The following SIDT1 variants were observed in gnomAD, a reference collection of about 807,000 sequenced individuals.
The protein encoded by SIDT1 is SID1 transmembrane family, member 1.
SIDT1 carries 101 observed loss-of-function variants against 107.5 expected under a neutral mutation model. The observed-to-expected ratio is 0.94, with a 90% CI of 0.80 to 1.11. The LOEUF (loss-of-function observed/expected upper bound fraction) is 1.11, where lower values mean the gene tolerates loss of function less well. Ranked by LOEUF, SIDT1 falls within the 50% of genes least tolerant of loss-of-function variation. The pLI is 0.00. For missense variants in SIDT1, 1,076 were observed against 1,058.2 expected, an observed-to-expected ratio of 1.02 and a Z score of -0.23; for synonymous variants, 395 against 398.2, an observed-to-expected ratio of 0.99 and a Z score of 0.10.
chr3:113,599,969 C>T (rs1352840468), intron 10 of SIDT1, among the ~76,000 whole-genome samples: 3 of 152,052 alleles, frequency 2.0e-5, no homozygotes, highest in African/African-American at 4.8e-5. Context: ...ACTATGTGCA[C>T]GTAATATCAA....
rs531208551 is a variant in SIDT1, at chr3:113,548,105, C to G, written c.222+14862C>G. Among the ~76,000 whole-genome samples, 22 of 152,148 alleles carry G rather than the reference C, an allele frequency of 1.4e-4. No individual in the cohort carries two copies. The South Asian group carries it at 4.4e-3, about 30-fold the overall frequency. ...CCCTCTCTCTGCCTAACCCAGGATTCTAAAGTATTTTGACTTAATTTGCTT... is the reference window on the plus strand; with the variant it reads ...CCCTCTCTCTGCCTAACCCAGGATTGTAAAGTATTTTGACTTAATTTGCTT... On this transcript the variant is annotated intron_variant, in intron 1 of 24. Coordinates refer to ENST00000264852, the MANE Select transcript of SIDT1 (RefSeq NM_017699.3).
intron 4 of SIDT1, among the ~76,000 whole-genome samples, chr3:113,577,386 T>C (rs1942986564): frequency 6.6e-6 from 1 of 152,196 alleles, no homozygotes; most frequent in Admixed American, 6.5e-5. Flanking sequence ...ACCAAACAGA[T>C]ACACAAATAA....
intron 9 of SIDT1, among the ~76,000 whole-genome samples, chr3:113,591,627 G>A (rs1456940317): frequency 6.6e-6 from 1 of 152,190 alleles, no homozygotes; most frequent in Non-Finnish European, 1.5e-5. Context: ...CCCGGGAGGC[G>A]GAGCTTGCAG....
rs11453487 is a variant in SIDT1, at chr3:113,609,058, C to CTTT, written c.1720+544_1720+546dup. ...TAGCTTATACAGTCATGAGCCCATT[C>CTTT]TTTTTTTTTTTTTTTTTTTTTTTTG... On this transcript the variant is annotated intron_variant, in intron 17 of 24. Transcript: ENST00000264852. Among the ~76,000 whole-genome samples, 178 of 86,644 alleles carry CTTT rather than the reference C, an allele frequency of 2.1e-3. 5 individuals carry two copies. The highest frequency in any genetic ancestry group is 3.8e-3 in the South Asian group (8 of 2,078). The allele number at this position is 86,644 out of a possible 152,430, so 56.8% of individuals were successfully genotyped here.
At chr3:113,608,577 A>G (rs1360522251) in intron 17 of SIDT1, 41 bp downstream of exon 17, 3 of 1,413,536 alleles carry the variant, frequency 2.1e-6, no homozygotes, top group Admixed American at 3.4e-5. Flanking sequence ...TTGAATCGTC[A>G]GTCTTATCCT....
At chr3:113,604,345 T>C (rs1247384413) in intron 13 of SIDT1, among the ~76,000 whole-genome samples, 2 of 152,188 alleles carry the variant, frequency 1.3e-5, no homozygotes, top group Non-Finnish European at 2.9e-5. Flanking sequence ...TGCATGCAGA[T>C]CTTAGAAGGA....
At chr3:113,543,005 G>T (rs1053379589) in intron 1 of SIDT1, among the ~76,000 whole-genome samples, 1 of 151,648 alleles carries the variant, frequency 6.6e-6, no homozygotes, top group African/African-American at 2.4e-5. Flanking sequence ...GCAGTGGCGC[G>T]ATCTTGGCTC....
intron 8 of SIDT1, 97 bp downstream of exon 8, chr3:113,584,866 A>C: frequency 2.2e-6 from 2 of 895,962 alleles, no homozygotes; most frequent in Non-Finnish European, 3.5e-6. Flanking sequence ...GAGAATTGTC[A>C]TAAGAAAACT....
chr3:113,550,248 T>G (rs1940064875), intron 1 of SIDT1, among the ~76,000 whole-genome samples: 1 of 152,246 alleles, frequency 6.6e-6, no homozygotes, highest in Admixed American at 6.5e-5. Context: ...GGTCAGCCCA[T>G]CAAGATTCTC....
intron 21 of SIDT1, 99 bp from the exon 22 acceptor site, chr3:113,623,328 G>T: frequency 1.4e-5 from 6 of 431,326 alleles, no homozygotes; most frequent in African/African-American, 2.7e-5. Context: ...AAAAAAAAAA[G>T]AACCTGCCCC....
At chr3:113,581,755 C>T (rs1241039588) in intron 6 of SIDT1, 1 of 280,724 alleles carries the variant, frequency 3.6e-6, no homozygotes, top group African/African-American at 2.2e-5. Context: ...CACCTGCAAT[C>T]CCAGCTACTC....
rs1943520113 is a variant in SIDT1 at position 113,583,507 on chromosome 3, G to C, written c.835+11G>C. 2 of 1,557,608 alleles carry C rather than the reference G, an allele frequency of 1.3e-6. No homozygotes were observed. The highest frequency in any genetic ancestry group is 2.4e-5 in the South Asian group (2 of 84,190). On this transcript the variant is annotated intron_variant, in intron 7 of 24. Transcript: ENST00000264852. ...CTTTCTTCATCCAGGGTAAGAGCTAGTGAGGAACACTTGGCTGCTTAGCAA... is the reference window on the plus strand; with the variant it reads ...CTTTCTTCATCCAGGGTAAGAGCTACTGAGGAACACTTGGCTGCTTAGCAA...
chr3:113,590,180 T>A (rs1944042956), intron 9 of SIDT1: 1 of 152,170 alleles, frequency 6.6e-6, no homozygotes. Context: ...GGGGAGAGAA[T>A]GACTCAGGTA....
intron 3 of SIDT1, among the ~76,000 whole-genome samples, chr3:113,576,266 A>G (rs1942890329): frequency 6.6e-6 from 1 of 152,222 alleles, no homozygotes; most frequent in Admixed American, 6.5e-5. Context: ...TGAAGAGAAA[A>G]AAACCTCATT....
In SIDT1 at chr3:113,540,909, CCT is replaced by C. The variant is rs947811035; in HGVS notation, c.222+7671_222+7672del. ...TATTGAAATTAGCTGATACCTTCACCCTCTCTTTCTTCAATAAGATGACTAAT... is the reference window on the plus strand; with the variant it reads ...TATTGAAATTAGCTGATACCTTCACCCTCTTTCTTCAATAAGATGACTAAT... On this transcript the variant is annotated intron_variant, in intron 1 of 24. Transcript: ENST00000264852. 2.6e-5 allele frequency among the ~76,000 whole-genome samples: 4 copies of C among 152,022 alleles called. No homozygotes were observed. In the South Asian group the frequency reaches 8.3e-4, roughly 32 times the overall value.
intron 1 of SIDT1, among the ~76,000 whole-genome samples, chr3:113,543,703 C>T (rs1478043691): frequency 6.6e-6 from 1 of 152,166 alleles, no homozygotes; most frequent in Non-Finnish European, 1.5e-5. Flanking sequence ...CTATTTATTG[C>T]TTCTTTTTCT....
At chr3:113,623,783 C>T in intron 23 of SIDT1, 50 bp downstream of exon 23, 2 of 1,313,634 alleles carry the variant, frequency 1.5e-6, no homozygotes, top group Non-Finnish European at 2.2e-6. Flanking sequence ...TCCAACTTGC[C>T]ATTTTGGCCT....
the SIDT1 span, among the ~76,000 whole-genome samples, chr3:113,635,496 T>C: frequency 6.6e-6 from 1 of 152,244 alleles, no homozygotes; most frequent in Non-Finnish European, 1.5e-5. Flanking sequence ...TCTTGGTCTC[T>C]GGGCCCAGCT....
chr3:113,620,351 T>C (rs1050672292), intron 21 of SIDT1, among the ~76,000 whole-genome samples: 1 of 152,180 alleles, frequency 6.6e-6, no homozygotes, highest in South Asian at 2.1e-4. Flanking sequence ...GATGTGTATT[T>C]TTGCTAGCCA....
Sources: gnomAD v4.1 joint callset for allele counts (sites outside exome capture counted in the v4.1 genomes callset) on GRCh38, gnomAD v4.1.1 for gene constraint, MANE v1.5 for transcripts, NCBI Gene and HGNC (gene_info 2026-07-23, HGNC 2026-07-21) for gene names.